NINJ2: variants seen among roughly 807,000 people sequenced by gnomAD.
NINJ2 encodes ninjurin-2.
In NINJ2, 12 loss-of-function variants were observed where a neutral mutation model predicts 11.7. That is an observed-to-expected ratio of 1.02 (90% CI 0.66 to 1.66). The LOEUF (loss-of-function observed/expected upper bound fraction) is 1.66. NINJ2 is among the 40% of genes most tolerant of loss of function. The pLI, the probability that NINJ2 is intolerant of heterozygous loss-of-function variation, is 0.00. For synonymous variants in NINJ2, 93 were observed against 76.8 expected, an observed-to-expected ratio of 1.21 and a Z score of -1.10; for missense variants, 187 against 181.8, an observed-to-expected ratio of 1.03 and a Z score of -0.16.
At chr12:620,600 T>A (rs1273206384) in intron 1 of NINJ2, among the ~76,000 whole-genome samples, 1 of 151,144 alleles carries the variant, frequency 6.6e-6, no homozygotes, top group African/African-American at 2.4e-5. Flanking sequence ...CTTGGAAGGA[T>A]CCAAAAGTGG....
chr12:596,252 T>C (rs1024945976), intron 1 of NINJ2, among the ~76,000 whole-genome samples: 4 of 152,232 alleles, frequency 2.6e-5, no homozygotes, highest in African/African-American at 9.6e-5. Context: ...ACTTGGAAGC[T>C]ACCAAAATGA....
rs1450308798 is a variant in NINJ2 at position 581,720 on chromosome 12, C to T, written c.34-15542G>A. ...ATCCCACTGCTGACCATCCAACTCA[C>T]GCAGCTTCGGTGCTTCCCAGCTCAC... On this transcript the variant is annotated intron_variant, in intron 1 of 3. Transcript: ENST00000305108. This position sits in a 1 kb window ranked among gnomAD's most constrained non-coding sequence, Gnocchi z 4.9. 6.6e-6 allele frequency among the ~76,000 whole-genome samples: 1 copy of T among 152,142 alleles called. No homozygotes were observed. The highest frequency in any genetic ancestry group is 1.5e-5 in the Non-Finnish European group (1 of 68,026).
At chr12:606,555 C>T (rs1454913077) in intron 1 of NINJ2, among the ~76,000 whole-genome samples, 2 of 152,198 alleles carry the variant, frequency 1.3e-5, no homozygotes, top group Non-Finnish European at 2.9e-5. Flanking sequence ...CAAGCCACAT[C>T]ATTGTCAGCT....
chr12:625,711 C>A (rs1361553036), intron 1 of NINJ2, among the ~76,000 whole-genome samples: 1 of 152,126 alleles, frequency 6.6e-6, no homozygotes, highest in African/African-American at 2.4e-5. Context: ...TATAAAGTAC[C>A]TTCTCAGAGC....
chr12:566,866 A>G (rs1407130822), intron 1 of NINJ2, among the ~76,000 whole-genome samples: 1 of 152,212 alleles, frequency 6.6e-6, no homozygotes, highest in Non-Finnish European at 1.5e-5. Flanking sequence ...ATAATTTACT[A>G]AAGCTTCTCC....
intron 1 of NINJ2, among the ~76,000 whole-genome samples, chr12:662,653 C>T (rs536508034): frequency 4.6e-5 from 7 of 152,296 alleles, no homozygotes; most frequent in African/African-American, 1.7e-4. Context: ...CAAGGAGTCA[C>T]AGAGTGCAGC....
rs1565630343 is a variant in NINJ2 at position 600,656 on chromosome 12, GTGTGTGTGT to G, written c.34-34487_34-34479del. ...GCGGGTGGCAGAATTTTTTTGGGGT[GTGTGTGTGT>G]GTGTGTGTGTGTGTGTGTGTGTGTG... is the stretch of plus-strand genomic sequence containing the variant. On this transcript the variant is annotated intron_variant, in intron 1 of 3. Coordinates refer to ENST00000305108, the MANE Select transcript of NINJ2 (RefSeq NM_016533.6). 8.6e-3 allele frequency among the ~76,000 whole-genome samples: 146 copies of G among 16,920 alleles called. 1 individual carries two copies. Among genetic ancestry groups the G allele is most frequent in the African/African-American group, 0.016 (143 of 9,124 alleles). 11.1% of individuals were successfully genotyped at this position (16,920 alleles called of 152,430 possible). A position where few individuals can be genotyped will look rare whatever the true frequency, so the allele number is the denominator to read the frequency against.
At chr12:582,345 G>A (rs1003946300) in intron 1 of NINJ2, among the ~76,000 whole-genome samples, 20 of 126,934 alleles carry the variant, frequency 1.6e-4, no homozygotes, top group African/African-American at 6.2e-4. Flanking sequence ...AGGCAGGCAG[G>A]CATGCTAGAG....
At chr12:639,777 C>G (rs1043084703) in intron 1 of NINJ2, among the ~76,000 whole-genome samples, 18 of 152,208 alleles carry the variant, frequency 1.2e-4, no homozygotes, top group African/African-American at 2.4e-4. Context: ...TAGATCATAT[C>G]AAGTACAGCT....
Position 580,329 on chromosome 12 carries a change from T to C in NINJ2, c.34-14151A>G, listed in dbSNP as rs749312466. On this transcript the variant is annotated intron_variant, in intron 1 of 3. Coordinates refer to ENST00000305108, the MANE Select transcript of NINJ2 (RefSeq NM_016533.6). The surrounding 1 kb of genome is among the most constrained non-coding windows in gnomAD (Gnocchi z 4.7). ...TCAGCAGTGCATGGTGGCTCACACC[T>C]GTAATCCCAGCACTTTGGGAGGCCG... Among the ~76,000 whole-genome samples, 7 of 152,182 alleles carry C rather than the reference T, an allele frequency of 4.6e-5. No homozygotes were observed. The highest frequency in any genetic ancestry group is 7.3e-5 in the Non-Finnish European group (5 of 68,036).
chr12:648,019 G>C (rs1388432380), intron 1 of NINJ2, among the ~76,000 whole-genome samples: 1 of 152,188 alleles, frequency 6.6e-6, no homozygotes, highest in Non-Finnish European at 1.5e-5. Flanking sequence ...TTTGCATCAT[G>C]TGTTTGAAAG....
intron 1 of NINJ2, among the ~76,000 whole-genome samples, chr12:624,417 G>A (rs181125634): frequency 2.2e-4 from 34 of 152,336 alleles, no homozygotes; most frequent in African/African-American, 6.5e-4. Flanking sequence ...ACTGGAATAC[G>A]GGAAAATGTA....
intron 1 of NINJ2, among the ~76,000 whole-genome samples, chr12:621,489 A>G (rs1948152223): frequency 6.7e-6 from 1 of 150,094 alleles, no homozygotes; most frequent in Non-Finnish European, 1.5e-5. Flanking sequence ...AAAGAAAGAA[A>G]GAAAAGAAAA....
At chr12:649,595 C>T (rs1945612168) in intron 1 of NINJ2, among the ~76,000 whole-genome samples, 1 of 144,914 alleles carries the variant, frequency 6.9e-6, no homozygotes, top group African/African-American at 2.5e-5. Context: ...GGCACACCTG[C>T]TTCTCTAATT....
chr12:579,915 A>G (rs537374118), intron 1 of NINJ2, among the ~76,000 whole-genome samples: 47 of 152,324 alleles, frequency 3.1e-4, no homozygotes, highest in African/African-American at 1.1e-3. Context: ...TTCGGTTTAC[A>G]TCCTATTCTC....
In NINJ2 at chr12:580,586, CA is replaced by C. The variant is rs201288258; in HGVS notation, c.34-14409del. Among the ~76,000 whole-genome samples, 3,753 of 143,960 alleles carry C rather than the reference CA, an allele frequency of 0.026. 104 individuals carry two copies. The highest frequency in any genetic ancestry group is 0.067 in the African/African-American group (2,603 of 39,098). The allele number at this position is 143,960 out of a possible 152,430, so 94.4% of individuals were successfully genotyped here. A position where few individuals can be genotyped will look rare whatever the true frequency, so the allele number is the denominator to read the frequency against. ...TGCATGACAGAGAGAGACCCTGTCT[CA>C]AAAAAAAAAAAATATATATATATAT... On this transcript the variant is annotated intron_variant, in intron 1 of 3. Transcript: ENST00000305108. The surrounding 1 kb of genome is among the most constrained non-coding windows in gnomAD (Gnocchi z 4.7).
rs141820576 is a variant in NINJ2, at chr12:598,096, T to C, written c.34-31918A>G. 4.3e-4 allele frequency among the ~76,000 whole-genome samples: 65 copies of C among 152,344 alleles called. 1 individual carries two copies. The East Asian group carries it at 8.9e-3, about 21-fold the overall frequency. On this transcript the variant is annotated intron_variant, in intron 1 of 3. Transcript: ENST00000305108. ...AGTTTCCTGTAAGGAAATGAGCTTG[T>C]TAACGGGTGGGAAAGGGAAGAACTG...
intron 1 of NINJ2, among the ~76,000 whole-genome samples, chr12:570,002 C>A (rs1947355496): frequency 6.6e-6 from 1 of 152,212 alleles, no homozygotes; most frequent in Admixed American, 6.5e-5. Context: ...GAGGAACCCA[C>A]GCGCAGGACG....
intron 1 of NINJ2, among the ~76,000 whole-genome samples, chr12:627,354 T>C (rs1948221309): frequency 6.6e-6 from 1 of 152,182 alleles, no homozygotes; most frequent in Admixed American, 6.5e-5. Flanking sequence ...AAACAGGTGC[T>C]CAAATATTTT....
Sources: gnomAD v4.1 joint callset for allele counts (sites outside exome capture counted in the v4.1 genomes callset) on GRCh38, gnomAD v4.1.1 for gene constraint, Gnocchi (gnomAD v3.1) non-coding constraint, MANE v1.5 for transcripts, NCBI Gene and HGNC (gene_info 2026-07-23, HGNC 2026-07-21) for gene names.